Variants in REN observed in about 807,000 individuals in gnomAD.
REN encodes renin.
REN carries 42 observed loss-of-function variants against 48.6 expected under a neutral mutation model. The observed-to-expected ratio is 0.86, with a 90% confidence interval of 0.68 to 1.12. REN has a LOEUF of 1.12. Ranked by LOEUF, REN falls within the 50% of genes most tolerant of loss-of-function variation. REN has a pLI of 0.00. For missense variants in REN, 443 were observed against 527.3 expected, an observed-to-expected ratio of 0.84 and a Z score of 1.57; for synonymous variants, 196 against 204.6, an observed-to-expected ratio of 0.96 and a Z score of 0.36.
chr1:204,162,857 A>G (rs1303412212), intron 1 of REN, among the ~76,000 whole-genome samples: 2 of 152,192 alleles, frequency 1.3e-5, no homozygotes, highest in African/African-American at 4.8e-5. Context: ...CTTCTTGTCT[A>G]GATGTTTTCC....
In REN at chr1:204,154,849, C is replaced by A; in HGVS notation, c.*167G>T. ...ACATGAAGTCTTTATTCTCTTTGTC[C>A]TCAAAGCAGGGAAGGGCTGGTGCAG... is the stretch of plus-strand genomic sequence containing the variant. On this transcript the variant is annotated 3_prime_UTR_variant, in exon 10 of 10. Transcript: ENST00000272190. The A allele has an allele frequency of 1.3e-6, 1 of 750,806 alleles. No homozygotes were observed. The highest frequency in any genetic ancestry group is 2.2e-5 in the Admixed American group (1 of 46,306). 46.5% of individuals were successfully genotyped at this position (750,806 alleles called of 1,614,324 possible).
rs766783107 is a variant in REN at position 204,157,362 on chromosome 1, C to T, written c.697G>A (p.Glu233Lys). The change falls in exon 6 of 10, where the codon GAG becomes AAG. Residue 233 changes from glutamate (E) to lysine (K), a missense_variant and splice_region_variant. Glu to Lys is a moderately conservative substitution (Grantham distance 56). Transcript: ENST00000272190. ...CATGTGGGGGTTTTGTCTCCTTACT[C>T]GGAATCTCTGCAGAGAAAGAGAGAC... ...VFSFYYNRDS[E>K]NSQSLGGQIV... 10 of 1,614,212 alleles carry T rather than the reference C, an allele frequency of 6.2e-6. No homozygotes were observed. The highest frequency in any genetic ancestry group is 3.3e-5 in the South Asian group (3 of 91,086).
intron 6 of REN, 151 bp downstream of exon 6, chr1:204,157,210 A>G: frequency 9.3e-7 from 1 of 1,078,902 alleles, no homozygotes; most frequent in Non-Finnish European, 1.4e-6. Context: ...GGTGGCATGG[A>G]GAGAGCAGGA....
Position 204,166,198 on chromosome 1 carries a change from T to C in REN, c.96A>G (p.Lys32=). Residue 32 remains lysine, a splice_region_variant and synonymous_variant, in exon 1 of 10, where the codon AAA becomes AAG. Transcript: ENST00000272190. ...FGLPTDTTTF[K]RIFLKRMPSI... The stretch of plus-strand genomic sequence containing the variant: ...TCTCTGCCTGAGTTACCAATTACCG[T>C]TTAAAGGTGGTGGTGTCTGTCGGGA... The C allele has an allele frequency of 2.5e-6, 4 of 1,610,806 alleles. No homozygotes were observed. Among genetic ancestry groups the C allele is most frequent in the Non-Finnish European group, 3.4e-6 (4 of 1,177,242 alleles).
At position 204,156,787 on chromosome 1, in the gene REN, T is replaced by A. The variant is rs751716365; in HGVS notation, c.708A>T (p.Gln236His). ...CCAGCACAATCTGTCCTCCCAGCGA[T>A]TGGGAATTCCTAAAGGAAAGATCAG... ...FYYNRDSENS[Q>H]SLGGQIVLGG... Residue 236 changes from glutamine (Q) to histidine (H), a missense_variant, in exon 7 of 10, where the codon CAA (glutamine) becomes CAT (histidine). By Grantham distance (24) the Gln-to-His change is conservative (BLOSUM62 0). Transcript: ENST00000272190. This position sits in a 1 kb window ranked among gnomAD's most constrained non-coding sequence, Gnocchi z 4.2. 2 of 1,614,032 alleles carry A rather than the reference T, an allele frequency of 1.2e-6. No individual in the cohort carries two copies. Among genetic ancestry groups the A allele is most frequent in the South Asian group, 2.2e-5 (2 of 91,084 alleles).
chr1:204,155,015 C>T lies in REN; in HGVS notation c.*1G>A. On this transcript the variant is annotated 3_prime_UTR_variant, in exon 10 of 10. Transcript: ENST00000272190. ...AGGGCCTGCCTGGGTGGCAGAGGGC[C>T]TCAGCGGGCCAAGGCGAAGCCAATG... 2 of 1,613,836 alleles carry T rather than the reference C, an allele frequency of 1.2e-6. No individual in the cohort carries two copies. The highest frequency in any genetic ancestry group is 1.7e-6 in the Non-Finnish European group (2 of 1,180,032).
Position 204,155,097 on chromosome 1 carries a change from G to T in REN, c.1140C>A (p.Ala380=). 1.2e-6 allele frequency: 2 copies of T among 1,614,004 alleles called. No individual in the cohort carries two copies. The highest frequency in any genetic ancestry group is 4.5e-5 in the East Asian group (2 of 44,864). Residue 380 remains alanine, a synonymous_variant, in exon 10 of 10, where the codon GCC becomes GCA. Coordinates refer to ENST00000272190, the MANE Select transcript of REN (RefSeq NM_000537.4). The part of the protein sequence containing the change: ...DIPPPTGPTW[A]LGATFIRKFY... ...ACTTTCGGATGAAGGTGGCCCCCAG[G>T]GCCCAGGTGGGTCCAGTGGGTGGCG...
At chr1:204,155,285 A>G in intron 9 of REN, 108 bp from the exon 10 acceptor site, 2 of 1,308,322 alleles carry the variant, frequency 1.5e-6, no homozygotes, top group Non-Finnish European at 2.2e-6. Context: ...TCTCGCCCCC[A>G]TCTCTCCCCT....
At chr1:204,162,411 A>G (rs1230600038) in intron 1 of REN, among the ~76,000 whole-genome samples, 1 of 152,170 alleles carries the variant, frequency 6.6e-6, no homozygotes, top group Non-Finnish European at 1.5e-5. Flanking sequence ...CTGTTGCCTA[A>G]TTTTGATTAG....
intron 1 of REN, among the ~76,000 whole-genome samples, chr1:204,164,565 CT>C (rs748060874): frequency 0.027 from 2,572 of 93,586 alleles, 107 homozygotes; most frequent in African/African-American, 0.1. Flanking sequence ...CTTCTTCAGT[CT>C]TTTTTTTTTT....
Position 204,156,429 on chromosome 1 carries a change from G to A in REN, c.819-110C>T, listed in dbSNP as rs974112883. The A allele has an allele frequency of 1.9e-5, 28 of 1,449,214 alleles. No homozygotes were observed. Among genetic ancestry groups the A allele is most frequent in the East Asian group, 4.8e-5 (2 of 41,558 alleles). The allele number at this position is 1,449,214 out of a possible 1,614,324, so 89.8% of individuals were successfully genotyped here. ...GTGTGGGTGGGTGGGTGGAGGCCAC[G>A]CTGGTGGCCTGTTGAGGCAGTGAGT... On this transcript the variant is annotated intron_variant, in intron 7 of 9. Coordinates refer to ENST00000272190, the MANE Select transcript of REN (RefSeq NM_000537.4). This position sits in a 1 kb window ranked among gnomAD's most constrained non-coding sequence, Gnocchi z 4.2.
intron 1 of REN, among the ~76,000 whole-genome samples, chr1:204,165,835 G>A (rs908457301): frequency 1.3e-5 from 2 of 152,074 alleles, no homozygotes; most frequent in Non-Finnish European, 2.9e-5. Flanking sequence ...CAAGTGATCC[G>A]TCTCAGCCTC....
intron 1 of REN, among the ~76,000 whole-genome samples, chr1:204,164,981 T>C (rs921576831): frequency 6.6e-6 from 1 of 152,022 alleles, no homozygotes; most frequent in African/African-American, 2.4e-5. Context: ...TTCTTTCTTT[T>C]TTTTTTTTAG....
chr1:204,157,322 C>G, intron 6 of REN, 39 bp downstream of exon 6: 2 of 1,614,058 alleles, frequency 1.2e-6, no homozygotes, highest in Non-Finnish European at 8.5e-7. Context: ...TCGGGGAGTA[C>G]TGGAAGGTCA....
intron 5 of REN, among the ~76,000 whole-genome samples, chr1:204,159,032 C>T (rs984186551): frequency 7.2e-5 from 11 of 152,144 alleles, no homozygotes; most frequent in Non-Finnish European, 1.0e-4. Context: ...TATTTACCAT[C>T]GCCCCCACCT....
At position 204,155,926 on chromosome 1, in the gene REN, G is replaced by A. The variant is rs370025043; in HGVS notation, c.961-8C>T. 12 of 1,607,540 alleles carry A rather than the reference G, an allele frequency of 7.5e-6. No individual in the cohort carries two copies. The highest frequency in any genetic ancestry group is 2.2e-5 in the South Asian group (2 of 90,892). ...GTTACACTTCACGACATACTGGGGT[G>A]GGGGGCAAAGAGAGCCTTCTTGAGT... On this transcript the variant is annotated splice_polypyrimidine_tract_variant and splice_region_variant and intron_variant, in intron 8 of 9. Transcript: ENST00000272190.
In REN at chr1:204,163,759, G is replaced by A. The variant is rs550996033; in HGVS notation, c.99-1596C>T. The stretch of plus-strand genomic sequence containing the variant: ...ACAGCTTGTGGAACTGGTGCCGTAC[G>A]GTGGTGAAGACAGTGGTTGCAGGGG... On this transcript the variant is annotated intron_variant, in intron 1 of 9. Coordinates refer to ENST00000272190, the MANE Select transcript of REN (RefSeq NM_000537.4). Among the ~76,000 whole-genome samples the A allele has an allele frequency of 2.6e-5, 4 of 152,280 alleles. No individual in the cohort carries two copies. The East Asian group carries it at 7.7e-4, about 29-fold the overall frequency.
chr1:204,155,175 T>A lies in REN; in HGVS notation c.1062A>T (p.Glu354Asp). 1 of 1,614,096 alleles carries A rather than the reference T, an allele frequency of 6.2e-7. No individual in the cohort carries two copies. The highest frequency in any genetic ancestry group is 2.2e-5 in the East Asian group (1 of 44,884). Residue 354 changes from glutamate to aspartate, a missense_variant and splice_region_variant, in exon 10 of 10, where the codon GAA becomes GAT. By Grantham distance (45) the Glu-to-Asp change is conservative (BLOSUM62 2). Coordinates refer to ENST00000272190, the MANE Select transcript of REN (RefSeq NM_000537.4). ...TGCACAGCTTTTTACTACTGTAGGA[T>A]TCCTGGCAGGAAGGGGGAGAGTTTC... is the stretch of plus-strand genomic sequence containing the variant. ...TLTSADYVFQ[E>D]SYSSKKLCTL...
intron 4 of REN, among the ~76,000 whole-genome samples, chr1:204,160,152 G>A (rs1482792917): frequency 6.6e-6 from 1 of 152,176 alleles, no homozygotes; most frequent in East Asian, 1.9e-4. Flanking sequence ...GCCTTGACCT[G>A]AGTCCCAGAG....
Sources: gnomAD v4.1 joint callset for allele counts (sites outside exome capture counted in the v4.1 genomes callset) on GRCh38, gnomAD v4.1.1 for gene constraint, Gnocchi (gnomAD v3.1) non-coding constraint, MANE v1.5 for transcripts, NCBI Gene and HGNC (gene_info 2026-07-23, HGNC 2026-07-21) for gene names.